Variants in FBXL20 observed in about 807,000 individuals in gnomAD.
FBXL20 encodes F-box and leucine rich repeat protein 20.
In FBXL20, 11 loss-of-function variants were observed where a neutral mutation model predicts 64.0. The observed-to-expected ratio is 0.17, with a 90% CI of 0.11 to 0.28. The LOEUF (loss-of-function observed/expected upper bound fraction) is 0.28, where lower values mean the gene tolerates loss of function less well. Ranked by LOEUF, FBXL20 falls within the 10% of genes least tolerant of loss-of-function variation. The pLI, the probability that FBXL20 is intolerant of heterozygous loss-of-function variation, is 1.00. For missense variants in FBXL20, 303 were observed against 526.2 expected (o/e 0.58, Z 4.15); for synonymous variants, 184 against 189.0 (o/e 0.97, Z 0.22).
intron 1 of FBXL20, among the ~76,000 whole-genome samples, chr17:39,369,454 C>T (rs1567899117): frequency 6.6e-6 from 1 of 151,866 alleles, no homozygotes; most frequent in Admixed American, 6.6e-5. Flanking sequence ...CAGGGTTTCA[C>T]CATGTTGGTC....
At chr17:39,338,098 G>C (rs1179578275) in intron 2 of FBXL20, among the ~76,000 whole-genome samples, 2 of 152,250 alleles carry the variant, frequency 1.3e-5, no homozygotes, top group East Asian at 1.9e-4. Context: ...AATAGAAAGG[G>C]GGGAAAGGTG....
At chr17:39,286,909 C>CTTTTT (rs35221372) in intron 6 of FBXL20, among the ~76,000 whole-genome samples, 12 of 114,538 alleles carry the variant, frequency 1.0e-4, no homozygotes, top group Admixed American at 2.9e-4. Flanking sequence ...GTATCTATTT[C>CTTTTT]TTTTTTTTTT....
chr17:39,385,224 G>A (rs1002633044), intron 1 of FBXL20, among the ~76,000 whole-genome samples: 14 of 151,960 alleles, frequency 9.2e-5, no homozygotes, highest in Admixed American at 9.2e-4. Flanking sequence ...ACTGTCTCTA[G>A]AAACACACAC....
intron 1 of FBXL20, among the ~76,000 whole-genome samples, chr17:39,364,053 C>A (rs750915725): frequency 2.2e-4 from 34 of 151,840 alleles, no homozygotes; most frequent in Admixed American, 5.3e-4. Flanking sequence ...CCACGCTCGA[C>A]TAGTTTTTGT....
chr17:39,305,069 G>A (rs1237733321), intron 2 of FBXL20, among the ~76,000 whole-genome samples: 2 of 151,928 alleles, frequency 1.3e-5, no homozygotes, highest in African/African-American at 4.8e-5. Flanking sequence ...CTGCTGGGAA[G>A]GATCTTAATG....
At chr17:39,377,912 A>G (rs957258072) in intron 1 of FBXL20, among the ~76,000 whole-genome samples, 2 of 151,972 alleles carry the variant, frequency 1.3e-5, no homozygotes, top group African/African-American at 2.4e-5. Flanking sequence ...ACACAGGAGG[A>G]TGAGGTGGTA....
intron 1 of FBXL20, among the ~76,000 whole-genome samples, chr17:39,400,703 AAGAC>A (rs770474202): frequency 1.4e-4 from 21 of 152,206 alleles, no homozygotes; most frequent in Admixed American, 2.0e-4. Context: ...AAGTTCCTGA[AAGAC>A]AGACCGGAAT....
At chr17:39,342,830 C>T (rs2047595860) in intron 2 of FBXL20, among the ~76,000 whole-genome samples, 1 of 150,624 alleles carries the variant, frequency 6.6e-6, no homozygotes, top group South Asian at 2.1e-4. Context: ...TGCAGTAAGC[C>T]GTGATTGCGC....
chr17:39,381,478 T>C (rs1438561369), intron 1 of FBXL20, among the ~76,000 whole-genome samples: 7 of 75,428 alleles, frequency 9.3e-5, no homozygotes, highest in Admixed American at 7.1e-4. Context: ...AGACTCTGTC[T>C]CAAAAAAAAA....
intron 2 of FBXL20, among the ~76,000 whole-genome samples, chr17:39,332,715 G>T (rs1191457599): frequency 6.6e-6 from 1 of 151,132 alleles, no homozygotes; most frequent in African/African-American, 2.4e-5. Flanking sequence ...CTAATGTTTT[G>T]TATTTTTAGT....
At chr17:39,380,477 C>G (rs946462603) in intron 1 of FBXL20, among the ~76,000 whole-genome samples, 1 of 152,158 alleles carries the variant, frequency 6.6e-6, no homozygotes, top group Non-Finnish European at 1.5e-5. Context: ...TATCCTTTGG[C>G]TATAATGATC....
chr17:39,374,144 G>C (rs939944443), intron 1 of FBXL20, among the ~76,000 whole-genome samples: 4 of 151,920 alleles, frequency 2.6e-5, no homozygotes, highest in African/African-American at 7.3e-5. Context: ...AGAATCGCTT[G>C]AACCTGGGAG....
At chr17:39,327,891 G>A (rs921624075) in intron 2 of FBXL20, among the ~76,000 whole-genome samples, 2 of 152,088 alleles carry the variant, frequency 1.3e-5, no homozygotes, top group Non-Finnish European at 2.9e-5. Context: ...TCTTAGCTCT[G>A]TCTTATGAGA....
At chr17:39,347,180 A>T (rs1460937911) in intron 1 of FBXL20, among the ~76,000 whole-genome samples, 1 of 152,202 alleles carries the variant, frequency 6.6e-6, no homozygotes, top group Non-Finnish European at 1.5e-5. Flanking sequence ...TAGCAGCATG[A>T]TTTATAATCC....
At chr17:39,359,225 A>G (rs1368656240) in intron 1 of FBXL20, among the ~76,000 whole-genome samples, 1 of 152,110 alleles carries the variant, frequency 6.6e-6, no homozygotes, top group Non-Finnish European at 1.5e-5. Flanking sequence ...AGTCCCAGCT[A>G]CTTGGGAAAC....
At chr17:39,286,719 G>A (rs2046991326) in intron 6 of FBXL20, among the ~76,000 whole-genome samples, 1 of 151,544 alleles carries the variant, frequency 6.6e-6, no homozygotes, top group South Asian at 2.1e-4. Context: ...AATGGCTTGA[G>A]CCCAGGAGGC....
At chr17:39,338,374 C>G (rs536165596) in intron 2 of FBXL20, among the ~76,000 whole-genome samples, 83 of 152,234 alleles carry the variant, frequency 5.5e-4, no homozygotes, top group African/African-American at 1.9e-3. Flanking sequence ...TCCCTAATCT[C>G]AAGTACCCAG....
At chr17:39,355,988 G>C (rs1597816409) in intron 1 of FBXL20, among the ~76,000 whole-genome samples, 1 of 151,834 alleles carries the variant, frequency 6.6e-6, no homozygotes, top group South Asian at 2.1e-4. Flanking sequence ...AGCCAAGGTG[G>C]GTGGATCATG....
rs760857420 is a variant in FBXL20 at position 39,343,217 on chromosome 17, C to T, written c.67G>A (p.Val23Ile). 6.2e-7 allele frequency: 1 copy of T among 1,603,482 alleles called. No homozygotes were observed. Among genetic ancestry groups the T allele is most frequent in the Non-Finnish European group, 8.5e-7 (1 of 1,176,706 alleles). ...FEMFSNSDEAVINKKLPKELL... is the reference protein window; with the variant it reads ...FEMFSNSDEAIINKKLPKELL... Reference sequence around the variant, plus strand: ...TCTTTGGGAAGTTTTTTATTGATTACAGCTTCATCACTATTTGAGAACATC... The same window carrying T: ...TCTTTGGGAAGTTTTTTATTGATTATAGCTTCATCACTATTTGAGAACATC... Residue 23 changes from valine (V) to isoleucine (I), a missense_variant, in exon 2 of 15, where the codon GTA (valine) becomes ATA (isoleucine). By Grantham distance (29) the Val-to-Ile change is conservative. This residue lies in a region of FBXL20 where 246 missense variants were observed against 422.6 expected (regional missense o/e 0.58). Coordinates refer to ENST00000264658, the MANE Select transcript of FBXL20 (RefSeq NM_032875.3).
Sources: allele counts gnomAD v4.1 joint callset (sites outside exome capture counted in the v4.1 genomes callset), GRCh38; gene constraint gnomAD v4.1.1; regional missense constraint gnomAD v4.1.1; transcripts MANE v1.5; gene names NCBI Gene and HGNC (gene_info 2026-07-23, HGNC 2026-07-21).